The following EPB41L2 variants were observed in gnomAD, a reference collection of about 807,000 sequenced individuals.
The protein encoded by EPB41L2 is erythrocyte membrane protein band 4.1 like 2, also known as band 4.1-like protein 2.
Under a neutral mutation model 113.0 loss-of-function variants are expected in EPB41L2, and 43 were observed. That is an observed-to-expected ratio of 0.38 (90% CI 0.30 to 0.49). EPB41L2 has a LOEUF of 0.49. Among genes scored for constraint, EPB41L2 ranks in the 20% least tolerant of loss-of-function variants. The pLI, the probability that EPB41L2 is intolerant of heterozygous loss-of-function variation, is 0.95. For synonymous variants in EPB41L2, 442 were observed against 436.7 expected (o/e 1.01, Z -0.15); for missense variants, 1,147 against 1,223.4 (o/e 0.94, Z 0.93).
At chr6:130,990,896 G>A (rs1237681268) in intron 1 of EPB41L2, among the ~76,000 whole-genome samples, 1 of 146,834 alleles carries the variant, frequency 6.8e-6, no homozygotes, top group African/African-American at 2.6e-5. Flanking sequence ...GCATGATCTT[G>A]GCTCACTGCA....
At chr6:130,981,759 G>A (rs1779423344) in intron 1 of EPB41L2, among the ~76,000 whole-genome samples, 1 of 151,990 alleles carries the variant, frequency 6.6e-6, no homozygotes, top group African/African-American at 2.4e-5. Context: ...GATCCAAATT[G>A]TAGCTTTATT....
chr6:130,948,856 T>A (rs1404021271), intron 3 of EPB41L2, among the ~76,000 whole-genome samples: 1 of 152,210 alleles, frequency 6.6e-6, no homozygotes, highest in Non-Finnish European at 1.5e-5. Flanking sequence ...CATGTGTGCA[T>A]CTAACAATCT....
chr6:131,003,698 C>T (rs960383720), intron 1 of EPB41L2, among the ~76,000 whole-genome samples: 95 of 152,282 alleles, frequency 6.2e-4, no homozygotes, highest in African/African-American at 2.2e-3. Context: ...ATTGTCATCT[C>T]CCTACTTCTA....
chr6:131,047,144 A>G (rs1176359077), intron 1 of EPB41L2, among the ~76,000 whole-genome samples: 2 of 152,196 alleles, frequency 1.3e-5, no homozygotes, highest in African/African-American at 4.8e-5. Context: ...ACAAAGAGTT[A>G]CTACAAGAAT....
intron 4 of EPB41L2, among the ~76,000 whole-genome samples, chr6:130,921,128 T>C (rs1004280656): frequency 6.6e-6 from 1 of 152,112 alleles, no homozygotes; most frequent in African/African-American, 2.4e-5. Context: ...TCACTCCTAG[T>C]ACCACTGCCC....
At chr6:131,048,236 CA>C (rs1795880877) in intron 1 of EPB41L2, among the ~76,000 whole-genome samples, 1 of 149,432 alleles carries the variant, frequency 6.7e-6, no homozygotes, top group African/African-American at 2.5e-5. Context: ...AAAAATTATA[CA>C]ACATCAACTT....
intron 12 of EPB41L2, 186 bp from the exon 13 acceptor site, chr6:130,880,392 C>T (rs985131860): frequency 1.6e-6 from 1 of 617,106 alleles, no homozygotes. Flanking sequence ...GGACCCTCCC[C>T]ACACAATACT....
rs59223991 is a variant in EPB41L2, at chr6:130,964,026, CTT to C, written c.-14-7529_-14-7528del. Among the ~76,000 whole-genome samples, 7 of 145,742 alleles carry C rather than the reference CTT, an allele frequency of 4.8e-5. No homozygotes were observed. In the South Asian group the frequency reaches 6.6e-4, roughly 14 times the overall value. On this transcript the variant is annotated intron_variant, in intron 1 of 19. Transcript: ENST00000337057. ...AAGCTATATTCTTTCTTTTCTTTTC[CTT>C]TTTTTTTTTTCACACGAAGTCTCCC...
chr6:131,009,987 T>C (rs868469942), intron 1 of EPB41L2, among the ~76,000 whole-genome samples: 4 of 152,238 alleles, frequency 2.6e-5, no homozygotes, highest in Non-Finnish European at 4.4e-5. Flanking sequence ...ACAAGTCCAG[T>C]GACATGGCCA....
intron 1 of EPB41L2, among the ~76,000 whole-genome samples, chr6:130,992,405 T>C (rs914275335): frequency 6.6e-6 from 1 of 152,134 alleles, no homozygotes; most frequent in Non-Finnish European, 1.5e-5. Flanking sequence ...ATACCCCCCA[T>C]ACCCTAATAA....
chr6:130,997,611 G>C (rs776637099), intron 1 of EPB41L2, among the ~76,000 whole-genome samples: 7 of 152,266 alleles, frequency 4.6e-5, no homozygotes, highest in Non-Finnish European at 7.4e-5. Flanking sequence ...ATTTAACACA[G>C]CACAAGGCGG....
At chr6:131,043,724 A>C (rs1452469901) in intron 1 of EPB41L2, among the ~76,000 whole-genome samples, 2 of 152,356 alleles carry the variant, frequency 1.3e-5, no homozygotes, top group African/African-American at 4.8e-5. Context: ...AAATCTGAAC[A>C]CAGTGAATAT....
chr6:131,050,204 TGGC>T (rs1260902209), intron 1 of EPB41L2, among the ~76,000 whole-genome samples: 3 of 152,042 alleles, frequency 2.0e-5, no homozygotes, highest in Admixed American at 6.6e-5. Flanking sequence ...CTGGGCGTGG[TGGC>T]GGGCACCTGT....
chr6:130,959,778 C>T (rs1818718378), intron 1 of EPB41L2, among the ~76,000 whole-genome samples: 1 of 152,186 alleles, frequency 6.6e-6, no homozygotes, highest in African/African-American at 2.4e-5. Flanking sequence ...TCTCTAATTA[C>T]ATTCTGAGAG....
rs1262351896 is a variant in EPB41L2 at position 130,867,439 on chromosome 6, C to G, written c.2730+20G>C. 1 of 1,613,104 alleles carries G rather than the reference C, an allele frequency of 6.2e-7. No homozygotes were observed. The highest frequency in any genetic ancestry group is 1.3e-5 in the African/African-American group (1 of 74,814). On this transcript the variant is annotated intron_variant, in intron 16 of 19. Transcript: ENST00000337057. Reference sequence around the variant, plus strand: ...AAGGGAAAAAAGAGCTCGAACAGTCCAAGTCTAGAGCTTTTGTACCTGTGG... The same window carrying G: ...AAGGGAAAAAAGAGCTCGAACAGTCGAAGTCTAGAGCTTTTGTACCTGTGG...
intron 3 of EPB41L2, among the ~76,000 whole-genome samples, chr6:130,944,009 T>G (rs1286845827): frequency 1.3e-5 from 2 of 152,176 alleles, no homozygotes; most frequent in African/African-American, 4.8e-5. Flanking sequence ...TTTCACAATC[T>G]TTTGTAGAAA....
At chr6:131,049,422 A>C (rs1796111774) in intron 1 of EPB41L2, among the ~76,000 whole-genome samples, 1 of 152,242 alleles carries the variant, frequency 6.6e-6, no homozygotes, top group African/African-American at 2.4e-5. Flanking sequence ...CACTTTATTA[A>C]GGAAAAAAAG....
chr6:130,901,958 C>T (rs1017036278), intron 6 of EPB41L2, among the ~76,000 whole-genome samples: 1 of 152,218 alleles, frequency 6.6e-6, no homozygotes, highest in Non-Finnish European at 1.5e-5. Flanking sequence ...TGGCTCACTA[C>T]GGTTATAAAA....
chr6:130,998,385 A>G (rs1783629257), intron 1 of EPB41L2, among the ~76,000 whole-genome samples: 1 of 152,216 alleles, frequency 6.6e-6, no homozygotes, highest in Non-Finnish European at 1.5e-5. Context: ...GTGTAGGGGA[A>G]ATTGGGATAC....
Sources: gnomAD v4.1 joint callset for allele counts (sites outside exome capture counted in the v4.1 genomes callset) on GRCh38, gnomAD v4.1.1 for gene constraint, MANE v1.5 for transcripts, NCBI Gene and HGNC (gene_info 2026-07-23, HGNC 2026-07-21) for gene names.